PLCL1: variants seen among roughly 807,000 people sequenced by gnomAD.
PLCL1 encodes the protein phospholipase C like 1 (inactive).
Under a neutral mutation model 84.4 loss-of-function variants are expected in PLCL1, and 41 were observed. The ratio of observed to expected loss-of-function variants is 0.49; its 90% CI spans 0.38 to 0.63. The LOEUF (loss-of-function observed/expected upper bound fraction) is 0.63, where lower values mean the gene tolerates loss of function less well. PLCL1 is among the 30% of genes least tolerant of loss of function. The pLI is 0.00. For synonymous variants in PLCL1, 490 were observed against 488.3 expected (o/e 1.00, Z -0.05); for missense variants, 1,206 against 1,367.8 (o/e 0.88, Z 1.87).
At chr2:197,860,755 A>G (rs1687416257) in intron 1 of PLCL1, among the ~76,000 whole-genome samples, 1 of 152,140 alleles carries the variant, frequency 6.6e-6, no homozygotes, top group Non-Finnish European at 1.5e-5. Context: ...TTCCTTATAG[A>G]TGCTGGATAT....
intron 1 of PLCL1, among the ~76,000 whole-genome samples, chr2:197,929,816 C>A (rs915460530): frequency 1.3e-5 from 2 of 152,164 alleles, no homozygotes. Context: ...CGTTGACTTG[C>A]ATTGCCTCAT....
At chr2:197,866,207 ATAGT>A (rs1346038682) in intron 1 of PLCL1, among the ~76,000 whole-genome samples, 1 of 135,148 alleles carries the variant, frequency 7.4e-6, no homozygotes, top group Admixed American at 7.8e-5. Context: ...ATATATATAT[ATAGT>A]TAGTTTAAGA....
chr2:198,053,326 A>G (rs1691987151), intron 1 of PLCL1, among the ~76,000 whole-genome samples: 1 of 152,164 alleles, frequency 6.6e-6, no homozygotes, highest in Non-Finnish European at 1.5e-5. Flanking sequence ...GGGTTTAGCC[A>G]ATGAGAGGCA....
chr2:198,121,664 T>C (rs1693870264), intron 5 of PLCL1, among the ~76,000 whole-genome samples: 1 of 152,044 alleles, frequency 6.6e-6, no homozygotes, highest in South Asian at 2.1e-4. Flanking sequence ...CATTGGTCGA[T>C]ATGTCTGTTT....
At chr2:198,071,734 A>G (rs1304734655) in intron 1 of PLCL1, among the ~76,000 whole-genome samples, 1 of 151,868 alleles carries the variant, frequency 6.6e-6, no homozygotes, top group Non-Finnish European at 1.5e-5. Context: ...TTAAGTTTCT[A>G]TATGGTCAAA....
intron 1 of PLCL1, among the ~76,000 whole-genome samples, chr2:197,825,881 T>C (rs780968526): frequency 1.3e-5 from 2 of 152,258 alleles, no homozygotes; most frequent in Non-Finnish European, 2.9e-5. Flanking sequence ...AATAATGCAA[T>C]ATATCTGTTA....
intron 1 of PLCL1, among the ~76,000 whole-genome samples, chr2:197,999,679 C>G (rs1690554337): frequency 6.6e-6 from 1 of 152,198 alleles, no homozygotes; most frequent in Non-Finnish European, 1.5e-5. Context: ...AGAAATACCC[C>G]ATCTTTTCCT....
At chr2:197,859,797 T>A (rs1687394918) in intron 1 of PLCL1, among the ~76,000 whole-genome samples, 1 of 152,166 alleles carries the variant, frequency 6.6e-6, no homozygotes, top group African/African-American at 2.4e-5. Context: ...CCACCTAGTT[T>A]TGGATAAATA....
At chr2:198,098,702 T>C (rs1292699793) in intron 3 of PLCL1, among the ~76,000 whole-genome samples, 1 of 152,184 alleles carries the variant, frequency 6.6e-6, no homozygotes, top group East Asian at 1.9e-4. Flanking sequence ...TGAGTCCTAA[T>C]ATGACGAAAG....
intron 1 of PLCL1, among the ~76,000 whole-genome samples, chr2:197,850,890 A>G (rs936419008): frequency 6.6e-6 from 1 of 152,228 alleles, no homozygotes; most frequent in Non-Finnish European, 1.5e-5. Context: ...CATGGCCATG[A>G]AGAAGACAGA....
intron 1 of PLCL1, among the ~76,000 whole-genome samples, chr2:197,932,967 A>G (rs377725204): frequency 1.3e-5 from 2 of 152,362 alleles, no homozygotes; most frequent in African/African-American, 2.4e-5. Context: ...AACAAAAACA[A>G]TAAGTTAGAA....
intron 1 of PLCL1, among the ~76,000 whole-genome samples, chr2:197,953,453 C>A (rs747065240): frequency 2.0e-5 from 3 of 151,994 alleles, no homozygotes; most frequent in African/African-American, 4.8e-5. Context: ...TGATATCAAC[C>A]AAGAATCACT....
At chr2:198,069,918 G>T (rs1236986015) in intron 1 of PLCL1, among the ~76,000 whole-genome samples, 5 of 152,106 alleles carry the variant, frequency 3.3e-5, no homozygotes, top group African/African-American at 1.2e-4. Flanking sequence ...TATTAAAGAA[G>T]AAATAAAGGA....
intron 5 of PLCL1, among the ~76,000 whole-genome samples, chr2:198,141,760 A>G (rs1293450829): frequency 1.3e-5 from 2 of 152,132 alleles, no homozygotes; most frequent in African/African-American, 4.8e-5. Flanking sequence ...GGGTGATTCT[A>G]CTGTGGGTAT....
chr2:197,892,549 T>TA (rs1282556158), intron 1 of PLCL1, among the ~76,000 whole-genome samples: 8 of 152,218 alleles, frequency 5.3e-5, no homozygotes, highest in Non-Finnish European at 1.0e-4. Flanking sequence ...AGGCTTGACT[T>TA]AGAGTGGTTT....
At chr2:198,122,175 G>A (rs752795740) in intron 5 of PLCL1, among the ~76,000 whole-genome samples, 2 of 151,982 alleles carry the variant, frequency 1.3e-5, no homozygotes, top group Non-Finnish European at 2.9e-5. Flanking sequence ...TGAATTATAT[G>A]AATTTAAATC....
At chr2:198,133,500 CATGT>C (rs1233394438) in intron 5 of PLCL1, among the ~76,000 whole-genome samples, 3 of 134,874 alleles carry the variant, frequency 2.2e-5, no homozygotes, top group Middle Eastern at 4.0e-3. Context: ...ACAATGTGCA[CATGT>C]ACCCTAAAAC....
At chr2:197,968,083 G>C (rs1444162125) in intron 1 of PLCL1, among the ~76,000 whole-genome samples, 1 of 152,128 alleles carries the variant, frequency 6.6e-6, no homozygotes, top group Non-Finnish European at 1.5e-5. Flanking sequence ...ATTACCTCAA[G>C]ATAACATACA....
At chr2:197,999,662 A>G (rs1690553739) in intron 1 of PLCL1, among the ~76,000 whole-genome samples, 1 of 152,224 alleles carries the variant, frequency 6.6e-6, no homozygotes, top group Admixed American at 6.5e-5. Context: ...AATGGATACC[A>G]TAACAAAGAA....
Sources: allele counts gnomAD v4.1 joint callset (sites outside exome capture counted in the v4.1 genomes callset), GRCh38; gene constraint gnomAD v4.1.1; transcripts MANE v1.5; gene names NCBI Gene and HGNC (gene_info 2026-07-23, HGNC 2026-07-21).